OGFOD2: variants seen among roughly 807,000 people sequenced by gnomAD.
The protein encoded by OGFOD2 is 2-oxoglutarate and iron-dependent oxygenase domain-containing protein 2.
A neutral mutation model predicts 31.1 loss-of-function variants in OGFOD2; 34 were observed. The ratio of observed to expected loss-of-function variants is 1.09; its 90% confidence interval spans 0.83 to 1.45. The LOEUF is 1.45. Among genes scored for constraint, OGFOD2 ranks in the 40% most tolerant of loss-of-function variants. The pLI, the probability that OGFOD2 is intolerant of heterozygous loss-of-function variation, is 0.00. For missense variants in OGFOD2, 537 were observed against 433.9 expected, an observed-to-expected ratio of 1.24 and a Z score of -2.11; for synonymous variants, 240 against 192.3, an observed-to-expected ratio of 1.25 and a Z score of -2.05.
chr12:122,978,673 C>A, intron 5 of OGFOD2, 80 bp from the exon 6 acceptor site: 1 of 1,586,622 alleles, frequency 6.3e-7, no homozygotes, highest in South Asian at 1.1e-5. Context: ...GAAAGAAGGT[C>A]ACAGTGGGAT....
chr12:122,979,316 C>T (rs772804162), exon 7 of OGFOD2: 16 of 1,611,840 alleles, frequency 9.9e-6, no homozygotes, highest in East Asian at 2.2e-5. Context: ...GAGAGGAGCC[C>T]GCCACGGTGG....
chr12:122,975,265 G>A (rs1566208456), exon 1 of OGFOD2: 1 of 683,464 alleles, frequency 1.5e-6, no homozygotes, highest in Non-Finnish European at 2.7e-6. Context: ...GCGACGGTGG[G>A]GGCTCCGCGG....
intron 5 of OGFOD2, 73 bp from the exon 6 acceptor site, chr12:122,978,680 G>T: frequency 6.3e-7 from 1 of 1,584,204 alleles, no homozygotes; most frequent in Non-Finnish European, 8.6e-7. Context: ...GGTCACAGTG[G>T]GATCACCGTG....
chr12:122,975,618 C>T (rs2037396279), intron 1 of OGFOD2, 193 bp from the exon 2 acceptor site: 1 of 603,728 alleles, frequency 1.7e-6, no homozygotes, highest in South Asian at 1.9e-5. Context: ...GGGCCGGGCT[C>T]AGCTTGCCGC....
rs763824613 is a variant in OGFOD2 at position 122,976,760 on chromosome 12, C to G, written c.296C>G (p.Ser99Ter). 3 of 1,612,894 alleles carry G rather than the reference C, an allele frequency of 1.9e-6. No individual in the cohort carries two copies. Among genetic ancestry groups the G allele is most frequent in the Non-Finnish European group, 2.5e-6 (3 of 1,179,178 alleles). ...CCGGCACGGCCTGAGGTCTACGACTCACTGCAGGTACCAGCCAGCCAGAGT... is the reference window on the plus strand; with the variant it reads ...CCGGCACGGCCTGAGGTCTACGACTGACTGCAGGTACCAGCCAGCCAGAGT... Residue 99 changes from serine (S) to a stop codon, truncating the protein, a stop_gained, in exon 3 of 7, where the codon TCA (serine) becomes TGA (stop). Transcript: ENST00000228922. LOFTEE classifies it high-confidence loss of function.
exon 4 of OGFOD2, chr12:122,976,891 G>A (rs369174331): frequency 5.6e-5 from 90 of 1,608,500 alleles, no homozygotes; most frequent in Non-Finnish European, 7.1e-5. Context: ...TGGCCCCCGA[G>A]TTCCTGGCCG....
upstream of OGFOD2, chr12:122,975,124 G>A (rs768258546): frequency 7.8e-6 from 4 of 509,758 alleles, no homozygotes; most frequent in Non-Finnish European, 1.4e-5. Flanking sequence ...CTGGCGAGGT[G>A]CGTCTTCGTC....
chr12:122,979,540 C>T (rs1475610254), exon 7 of OGFOD2: 5 of 694,952 alleles, frequency 7.2e-6, no homozygotes, highest in African/African-American at 1.8e-5. Context: ...GGGGCTTCAG[C>T]GAGGGAGTCA....
At chr12:122,979,936 T>C in exon 7 of OGFOD2, 1 of 339,608 alleles carries the variant, frequency 2.9e-6, no homozygotes, top group Admixed American at 4.8e-5. Flanking sequence ...TGTGTGGCTT[T>C]AGGTGAGCCT....
exon 7 of OGFOD2, chr12:122,979,122 G>T: frequency 6.2e-7 from 1 of 1,603,166 alleles, no homozygotes; most frequent in Non-Finnish European, 8.5e-7. Flanking sequence ...GGTGGAGCAC[G>T]TGGTGGGCCA....
intron 3 of OGFOD2, 39 bp from the exon 4 acceptor site, chr12:122,976,832 G>T (rs758671537): frequency 1.3e-6 from 2 of 1,595,970 alleles, no homozygotes; most frequent in East Asian, 2.2e-5. Flanking sequence ...CAGGGCTGGG[G>T]GTGCTGCCTG....
chr12:122,975,249 A>G (rs772747789), exon 1 of OGFOD2: 1 of 675,884 alleles, frequency 1.5e-6, no homozygotes, highest in Non-Finnish European at 2.7e-6. Context: ...TGGGTGCTTC[A>G]CTATGGCGAC....
At position 122,979,025 on chromosome 12, in the gene OGFOD2, C is replaced by A; in HGVS notation, c.789+15C>A. 6.2e-7 allele frequency: 1 copy of A among 1,609,586 alleles called. No individual in the cohort carries two copies. Among genetic ancestry groups the A allele is most frequent in the Non-Finnish European group, 8.5e-7 (1 of 1,177,296 alleles). On this transcript the variant is annotated intron_variant, in intron 6 of 6. Transcript: ENST00000228922. ...GCCTCTTCCAGGTGAGTGTGTGACC[C>A]ATGCGGCAGGGCCTGGGGCAGCTGT...
At chr12:122,979,104 C>T (rs1444872219) in exon 7 of OGFOD2, 1 of 1,599,538 alleles carries the variant, frequency 6.3e-7, no homozygotes, top group Non-Finnish European at 8.5e-7. Flanking sequence ...CCTGACGGAG[C>T]CCCTGGAGGT....
chr12:122,976,277 C>T, intron 2 of OGFOD2: 2 of 1,188,222 alleles, frequency 1.7e-6, no homozygotes, highest in Non-Finnish European at 1.2e-6. Flanking sequence ...TGCTGCCCCA[C>T]TCCCTCCTCC....
exon 6 of OGFOD2, chr12:122,978,836 G>A (rs773546412): frequency 3.7e-6 from 6 of 1,612,844 alleles, no homozygotes; most frequent in East Asian, 2.2e-5. Flanking sequence ...TGGCCCTGCT[G>A]TACCCTGACT....
exon 3 of OGFOD2, chr12:122,976,730 A>C (rs780220699): frequency 6.2e-7 from 1 of 1,613,812 alleles, no homozygotes; most frequent in Non-Finnish European, 8.5e-7. Context: ...GCGAGTTCCT[A>C]CCACCCGGCA....
chr12:122,979,090 C>T (rs1227098131), exon 7 of OGFOD2: 1 of 1,597,256 alleles, frequency 6.3e-7, no homozygotes, highest in African/African-American at 1.3e-5. Context: ...CAGGCACCCA[C>T]AGCCCTGACG....
chr12:122,979,094 C>T, exon 7 of OGFOD2: 1 of 1,598,232 alleles, frequency 6.3e-7, no homozygotes, highest in East Asian at 2.2e-5. Context: ...CACCCACAGC[C>T]CTGACGGAGC....
Sources: allele counts gnomAD v4.1 joint callset, GRCh38; gene constraint gnomAD v4.1.1; transcripts MANE v1.5; gene names NCBI Gene and HGNC (gene_info 2026-07-23, HGNC 2026-07-21).